Variants in PCSK6 observed in about 807,000 individuals in gnomAD.
The protein encoded by PCSK6 is paired basic amino acid cleaving enzyme 4.
In PCSK6, 85 loss-of-function variants were observed where a neutral mutation model predicts 123.3. That is an observed-to-expected ratio of 0.69 (90% CI 0.58 to 0.83). The LOEUF (loss-of-function observed/expected upper bound fraction) is 0.83, where lower values mean the gene tolerates loss of function less well. Among genes scored for constraint, PCSK6 ranks in the 40% least tolerant of loss-of-function variants. The pLI, the probability that PCSK6 is intolerant of heterozygous loss-of-function variation, is 0.00. For synonymous variants in PCSK6, 508 were observed against 516.0 expected, an observed-to-expected ratio of 0.98 and a Z score of 0.21; for missense variants, 1,191 against 1,282.3, an observed-to-expected ratio of 0.93 and a Z score of 1.09.
chr15:101,345,549 T>C (rs897093899), intron 13 of PCSK6, among the ~76,000 whole-genome samples: 8 of 152,272 alleles, frequency 5.3e-5, no homozygotes, highest in Non-Finnish European at 1.0e-4. Context: ...AAAAAATTTA[T>C]ATGAATTACG....
intron 1 of PCSK6, among the ~76,000 whole-genome samples, chr15:101,483,667 T>C (rs1255545741): frequency 6.6e-6 from 1 of 152,242 alleles, no homozygotes; most frequent in Non-Finnish European, 1.5e-5. Context: ...AACTTGTCTT[T>C]TCTGAGTCAC....
At chr15:101,401,466 A>G (rs763375031) in intron 6 of PCSK6, among the ~76,000 whole-genome samples, 18 of 152,154 alleles carry the variant, frequency 1.2e-4, no homozygotes, top group Non-Finnish European at 2.1e-4. Context: ...AGGCAAGTGG[A>G]CTTAGATGCC....
In PCSK6 at chr15:101,305,593, AGCTACTC is replaced by A. The variant is rs2039704973; in HGVS notation, c.2813-245_2813-239del. 1 of 434,312 alleles carries A rather than the reference AGCTACTC, an allele frequency of 2.3e-6. No homozygotes were observed. Among genetic ancestry groups the A allele is most frequent in the South Asian group, 2.5e-5 (1 of 40,194 alleles). 26.9% of individuals were successfully genotyped at this position (434,312 alleles called of 1,614,324 possible). A position where few individuals can be genotyped will look rare whatever the true frequency, so the allele number is the denominator to read the frequency against. ...CATGGTGGTGGGCACCTGTAATCCA[AGCTACTC>A]GGGAGGCTAAAGCAGGAGAACCACC... On this transcript the variant is annotated intron_variant, in intron 21 of 21. Coordinates refer to ENST00000611716, the MANE Select transcript of PCSK6 (RefSeq NM_002570.5). The surrounding 1 kb of genome is among the most constrained non-coding windows in gnomAD (Gnocchi z 4.8).
chr15:101,346,752 T>C (rs2040740434), intron 13 of PCSK6: 1 of 1,228,682 alleles, frequency 8.1e-7, no homozygotes, highest in Non-Finnish European at 1.0e-6. Flanking sequence ...CAATGTTTAG[T>C]ATTTTATTTG....
intron 6 of PCSK6, among the ~76,000 whole-genome samples, chr15:101,402,147 C>T (rs2042607760): frequency 6.8e-6 from 1 of 147,004 alleles, no homozygotes; most frequent in Non-Finnish European, 1.5e-5. Flanking sequence ...TTTGACAAAC[C>T]TGAGAAAAAC....
At chr15:101,456,722 TG>T (rs745380141) in intron 1 of PCSK6, among the ~76,000 whole-genome samples, 44 of 152,112 alleles carry the variant, frequency 2.9e-4, no homozygotes, top group Non-Finnish European at 4.9e-4. Context: ...GTCCTAGCAG[TG>T]GAGGGAACAT....
intron 2 of PCSK6, among the ~76,000 whole-genome samples, chr15:101,435,917 A>G (rs11856075): frequency 0.6 from 90,680 of 152,160 alleles, 28,263 homozygotes; most frequent in African/African-American, 0.79. Flanking sequence ...TTGTCCAAGC[A>G]TCCTTTCAGC....
chr15:101,368,704 G>A (rs1020818387), intron 12 of PCSK6, among the ~76,000 whole-genome samples: 6 of 152,136 alleles, frequency 3.9e-5, no homozygotes, highest in Admixed American at 1.3e-4. Context: ...CGGAGAGCCC[G>A]TTGCTGGCCT....
intron 3 of PCSK6, 176 bp from the exon 4 acceptor site, chr15:101,431,639 G>A: frequency 3.8e-6 from 3 of 779,796 alleles, no homozygotes; most frequent in Non-Finnish European, 6.5e-6. Context: ...GAATCATGCA[G>A]ACGGCTCCCT....
intron 16 of PCSK6, 73 bp downstream of exon 16, chr15:101,326,304 G>T: frequency 8.6e-7 from 1 of 1,168,326 alleles, no homozygotes; most frequent in Non-Finnish European, 1.2e-6. Flanking sequence ...GGGGCATCAG[G>T]ACATGGAGGG....
At chr15:101,365,451 G>C (rs1466373130) in intron 13 of PCSK6, among the ~76,000 whole-genome samples, 1 of 152,152 alleles carries the variant, frequency 6.6e-6, no homozygotes, top group Non-Finnish European at 1.5e-5. Flanking sequence ...CTCATATATT[G>C]CTGGCCGGAA....
intron 11 of PCSK6, among the ~76,000 whole-genome samples, chr15:101,380,850 TCA>T (rs554175341): frequency 2.0e-5 from 3 of 152,222 alleles, no homozygotes; most frequent in Non-Finnish European, 4.4e-5. Context: ...TATATCACTT[TCA>T]GTCATCACAC....
chr15:101,351,145 G>C (rs1219930021), intron 13 of PCSK6, among the ~76,000 whole-genome samples: 2 of 152,164 alleles, frequency 1.3e-5, no homozygotes, highest in African/African-American at 4.8e-5. Context: ...CGTCTTCAGT[G>C]ACGTCACGTG....
intron 8 of PCSK6, among the ~76,000 whole-genome samples, chr15:101,391,889 A>T (rs1449177161): frequency 6.6e-6 from 1 of 152,206 alleles, no homozygotes. Context: ...TACCCTTCTT[A>T]CCCACATATT....
chr15:101,386,805 C>T (rs954268378), intron 9 of PCSK6, among the ~76,000 whole-genome samples: 5 of 152,212 alleles, frequency 3.3e-5, no homozygotes, highest in African/African-American at 1.2e-4. Context: ...CATGGCTGGG[C>T]CGGTATCTAC....
chr15:101,475,395 A>G (rs1596376983), intron 1 of PCSK6, among the ~76,000 whole-genome samples: 1 of 152,254 alleles, frequency 6.6e-6, no homozygotes, highest in Admixed American at 6.5e-5. Context: ...ATTAAAAGAC[A>G]AACAGCCCCA....
At chr15:101,334,154 C>A (rs868526595) in intron 13 of PCSK6, 1 of 152,272 alleles carries the variant, frequency 6.6e-6, no homozygotes, top group Non-Finnish European at 1.5e-5. Context: ...ACCCAGCCTA[C>A]GTGTGTGGTG....
chr15:101,385,453 C>T (rs983459001), intron 9 of PCSK6, among the ~76,000 whole-genome samples: 7 of 152,180 alleles, frequency 4.6e-5, no homozygotes, highest in African/African-American at 1.4e-4. Flanking sequence ...CCTGTCTATT[C>T]ACAGTGTCAT....
chr15:101,442,402 G>A (rs1294001955), intron 2 of PCSK6, among the ~76,000 whole-genome samples: 2 of 152,046 alleles, frequency 1.3e-5, no homozygotes, highest in East Asian at 3.9e-4. Context: ...TCACAGCCCA[G>A]GTCCATGGGT....
Sources: gnomAD v4.1 joint callset for allele counts (sites outside exome capture counted in the v4.1 genomes callset) on GRCh38, gnomAD v4.1.1 for gene constraint, Gnocchi (gnomAD v3.1) non-coding constraint, MANE v1.5 for transcripts, NCBI Gene and HGNC (gene_info 2026-07-23, HGNC 2026-07-21) for gene names.